XRN1: variants seen among roughly 807,000 people sequenced by gnomAD.
XRN1 encodes strand-exchange protein 1 homolog.
A neutral mutation model predicts 222.3 loss-of-function variants in XRN1; 67 were observed. The observed-to-expected ratio is 0.30, with a 90% CI of 0.25 to 0.37. XRN1 has a LOEUF of 0.37. Among genes scored for constraint, XRN1 ranks in the 10% least tolerant of loss-of-function variants. XRN1 has a pLI of 1.00. For missense variants in XRN1, 1,707 were observed against 2,000.2 expected (o/e 0.85, Z 2.80); for synonymous variants, 643 against 652.4 (o/e 0.99, Z 0.22).
chr3:142,311,328 C>A lies in XRN1; in HGVS notation c.*183G>T. On this transcript the variant is annotated 3_prime_UTR_variant, in exon 41 of 41. Coordinates refer to ENST00000392981, the MANE Select transcript of XRN1 (RefSeq NM_001282857.2). ...CAACAAACTGCACATACTTAAAGTGCACAATTTGATACACAGTCTTTTAAA... is the reference window on the plus strand; with the variant it reads ...CAACAAACTGCACATACTTAAAGTGAACAATTTGATACACAGTCTTTTAAA... The A allele has an allele frequency of 2.0e-6, 1 of 495,602 alleles. No homozygotes were observed. Among genetic ancestry groups the A allele is most frequent in the African/African-American group, 1.9e-5 (1 of 51,666 alleles). The allele number at this position is 495,602 out of a possible 1,614,324, so 30.7% of individuals were successfully genotyped here. A position where few individuals can be genotyped will look rare whatever the true frequency, so the allele number is the denominator to read the frequency against.
chr3:142,431,873 T>TATATA (rs2069562701), intron 2 of XRN1, among the ~76,000 whole-genome samples: 10 of 23,020 alleles, frequency 4.3e-4, no homozygotes, highest in African/African-American at 3.9e-3. Context: ...TAATATATTA[T>TATATA]ATTATATATA....
chr3:142,372,590 T>C (rs1229136581), intron 25 of XRN1, among the ~76,000 whole-genome samples: 8 of 152,288 alleles, frequency 5.3e-5, no homozygotes, highest in Non-Finnish European at 4.4e-5. Context: ...TTTGCGGCTG[T>C]TGTGGGAAGG....
chr3:142,388,432 G>A (rs1559840357), intron 20 of XRN1, among the ~76,000 whole-genome samples: 1 of 152,174 alleles, frequency 6.6e-6, no homozygotes, highest in Non-Finnish European at 1.5e-5. Context: ...GTTTTGGGGA[G>A]TCAAAAGTTG....
intron 40 of XRN1, 151 bp downstream of exon 40, chr3:142,312,447 A>G (rs2065101942): frequency 6.6e-6 from 4 of 609,704 alleles, no homozygotes; most frequent in Non-Finnish European, 7.7e-6. Context: ...GAGCAGAGAC[A>G]GGTCAGACTT....
At position 142,308,012 on chromosome 3, in the gene XRN1, TAC is replaced by T. The variant is rs979355483; in HGVS notation, c.*3497_*3498del. The T allele has an allele frequency of 6.6e-6, 1 of 152,194 alleles. No individual in the cohort carries two copies. The highest frequency in any genetic ancestry group is 2.4e-5 in the African/African-American group (1 of 41,456). The allele number at this position is 152,194 out of a possible 1,614,324, so 9.4% of individuals were successfully genotyped here. On this transcript the variant is annotated 3_prime_UTR_variant, in exon 41 of 41. Transcript: ENST00000392981. ...GCAAGCTCATAAGGCTGAGAAATTG[TAC>T]AGTTGCTTTAAAAAACTGTGCTCTA... is the stretch of plus-strand genomic sequence containing the variant.
intron 2 of XRN1, among the ~76,000 whole-genome samples, chr3:142,427,271 T>C (rs760556047): frequency 6.6e-6 from 1 of 152,100 alleles, no homozygotes; most frequent in Non-Finnish European, 1.5e-5. Flanking sequence ...AGCTCAAGAT[T>C]GCAATGAGTG....
chr3:142,414,114 A>G, intron 14 of XRN1, 21 bp downstream of exon 14: 1 of 1,579,998 alleles, frequency 6.3e-7, no homozygotes. Flanking sequence ...GGACATAAAA[A>G]CATTCAATTC....
Position 142,418,544 on chromosome 3 carries a change from TTC to T in XRN1, c.1304_1305del (p.Arg435AsnfsTer10). 1 of 1,612,006 alleles carries T rather than the reference TTC, an allele frequency of 6.2e-7. No homozygotes were observed. The highest frequency in any genetic ancestry group is 8.5e-7 in the Non-Finnish European group (1 of 1,179,348). The stretch of plus-strand genomic sequence containing the variant: ...ACCCCCATCTTCGTCATGTAATATG[TTC>T]TTTTATATTGTCTAAACTCAGTTTC... ...LFETEFRQYK[R>X]TYYMTKMGVD... On this transcript the variant is annotated frameshift_variant, in exon 12 of 41. Transcript: ENST00000392981. LOFTEE classifies it high-confidence loss of function.
Position 142,367,124 on chromosome 3 carries a change from C to A in XRN1, c.3205-1758G>T, listed in dbSNP as rs542933995. 5.3e-5 allele frequency among the ~76,000 whole-genome samples: 8 copies of A among 152,240 alleles called. No homozygotes were observed. In the East Asian group the frequency reaches 1.5e-3, roughly 29 times the overall value. Reference sequence around the variant, plus strand: ...CCAACATGGAGAAACCCTGTCTCTACTAAAAATACAAAATTAGCCGAGCAT... The same window carrying A: ...CCAACATGGAGAAACCCTGTCTCTAATAAAAATACAAAATTAGCCGAGCAT... On this transcript the variant is annotated intron_variant, in intron 27 of 40. Transcript: ENST00000392981.
In XRN1 at chr3:142,403,852, A is replaced by G. The variant is rs1031212087; in HGVS notation, c.2004+17T>C. On this transcript the variant is annotated intron_variant, in intron 17 of 40. Transcript: ENST00000392981. Reference sequence around the variant, plus strand: ...ACTTAATAAAGTGAAAAAATTCTGAACTAAATAGCCACTGACTTTGTGTCT... The same window carrying G: ...ACTTAATAAAGTGAAAAAATTCTGAGCTAAATAGCCACTGACTTTGTGTCT... 1.2e-6 allele frequency: 2 copies of G among 1,612,270 alleles called. No individual in the cohort carries two copies. The highest frequency in any genetic ancestry group is 1.3e-5 in the African/African-American group (1 of 74,998).
chr3:142,402,138 C>T (rs1314629103), intron 18 of XRN1, among the ~76,000 whole-genome samples: 1 of 152,158 alleles, frequency 6.6e-6, no homozygotes, highest in East Asian at 1.9e-4. Context: ...TCTCTCTCTC[C>T]AAGCTCTAGC....
chr3:142,329,539 G>A lies in XRN1; in HGVS notation c.4299C>T (p.Ala1433=). Residue 1433 remains alanine, a synonymous_variant, in exon 37 of 41, where the codon GCC becomes GCT. Coordinates refer to ENST00000392981, the MANE Select transcript of XRN1 (RefSeq NM_001282857.2). ...VQSMDNMCWP[A]PSQIPPVSTP... ...TGGATACAGGAGGGATCTGGCTGGG[G>A]GCAGGCCAACACATATTGTCCATAG... The A allele has an allele frequency of 6.2e-7, 1 of 1,600,846 alleles. No individual in the cohort carries two copies. Among genetic ancestry groups the A allele is most frequent in the Non-Finnish European group, 8.5e-7 (1 of 1,175,286 alleles).
intron 29 of XRN1, 32 bp downstream of exon 29, chr3:142,365,015 C>G: frequency 6.3e-7 from 1 of 1,594,690 alleles, no homozygotes; most frequent in Non-Finnish European, 8.5e-7. Flanking sequence ...ATATAAATTA[C>G]GTTGAAGACA....
intron 13 of XRN1, among the ~76,000 whole-genome samples, chr3:142,414,707 G>A (rs2068718886): frequency 6.6e-6 from 1 of 152,114 alleles, no homozygotes; most frequent in African/African-American, 2.4e-5. Flanking sequence ...TTGTTAGCCA[G>A]GATGGTCTCA....
chr3:142,431,948 A>T (rs1384601647), intron 2 of XRN1, among the ~76,000 whole-genome samples: 1 of 83,138 alleles, frequency 1.2e-5, no homozygotes, highest in South Asian at 2.9e-4. Context: ...TATATTATAT[A>T]ATATATTATA....
At chr3:142,363,850 GATTTCTTTGACTGTATA>G (rs745571312) in intron 29 of XRN1, among the ~76,000 whole-genome samples, 118 of 152,230 alleles carry the variant, frequency 7.8e-4, no homozygotes, top group Non-Finnish European at 1.5e-3. Context: ...TCTTGATTGG[GATTTCTTTGACTGTATA>G]AATCAAAGCA....
At chr3:142,436,548 A>G (rs544909544) in intron 1 of XRN1, among the ~76,000 whole-genome samples, 3 of 152,346 alleles carry the variant, frequency 2.0e-5, no homozygotes, top group Non-Finnish European at 4.4e-5. Context: ...GATTTCTACT[A>G]TTGAAAATTT....
At chr3:142,423,678 C>A in intron 5 of XRN1, 36 bp from the exon 6 acceptor site, 2 of 1,500,020 alleles carry the variant, frequency 1.3e-6, no homozygotes, top group South Asian at 1.3e-5. Context: ...TTTTATTCTC[C>A]CATTTTTAAT....
chr3:142,326,346 T>C (rs970268872), intron 37 of XRN1, among the ~76,000 whole-genome samples: 3 of 152,050 alleles, frequency 2.0e-5, no homozygotes, highest in Non-Finnish European at 4.4e-5. Flanking sequence ...TTATAATAAG[T>C]TTTCATTGTA....
Sources: gnomAD v4.1 joint callset for allele counts (sites outside exome capture counted in the v4.1 genomes callset) on GRCh38, gnomAD v4.1.1 for gene constraint, MANE v1.5 for transcripts, NCBI Gene and HGNC (gene_info 2026-07-23, HGNC 2026-07-21) for gene names.